BCL2L14: variants seen among roughly 807,000 people sequenced by gnomAD.
The protein encoded by BCL2L14 is BCL2 like 14.
BCL2L14 carries 27 observed loss-of-function variants against 35.3 expected under a neutral mutation model. The observed-to-expected ratio is 0.76, with a 90% CI of 0.56 to 1.05. The LOEUF (loss-of-function observed/expected upper bound fraction) is 1.05, where lower values mean the gene tolerates loss of function less well. Among genes scored for constraint, BCL2L14 ranks in the 50% least tolerant of loss-of-function variants. BCL2L14 has a pLI of 0.00. For synonymous variants in BCL2L14, 139 were observed against 145.9 expected (o/e 0.95, Z 0.34); for missense variants, 377 against 382.6 (o/e 0.99, Z 0.12).
In BCL2L14 at chr12:12,097,033, A is replaced by AC. The variant is rs1591841189; in HGVS notation, c.946-1916dup. Among the ~76,000 whole-genome samples, 3 of 152,050 alleles carry AC rather than the reference A, an allele frequency of 2.0e-5. No individual in the cohort carries two copies. In the South Asian group the frequency reaches 6.2e-4, roughly 32 times the overall value. The stretch of plus-strand genomic sequence containing the variant: ...GTGGCAGGTGCCTGTAGTCCCAGCT[A>AC]CTCAGGGGGGCTGAGGTAGGAGAAT... On this transcript the variant is annotated intron_variant, in intron 5 of 5. Coordinates refer to ENST00000308721, the MANE Select transcript of BCL2L14 (RefSeq NM_138723.2).
At chr12:12,067,525 T>C (rs985898256), upstream of BCL2L14, among the ~76,000 whole-genome samples, 3 of 152,004 alleles carry the variant, frequency 2.0e-5, no homozygotes, top group Admixed American at 1.3e-4. Context: ...CACTCCAGCC[T>C]GGGGAACAGA....
rs374353166 is a variant in BCL2L14 at position 12,095,002 on chromosome 12, TTA to T, written c.945+73_945+74del. The T allele has an allele frequency of 1.9e-5, 28 of 1,511,742 alleles. No individual in the cohort carries two copies. The African/African-American group carries it at 3.3e-4, about 18-fold the overall frequency. 93.6% of individuals were successfully genotyped at this position (1,511,742 alleles called of 1,614,324 possible). On this transcript the variant is annotated intron_variant, in intron 5 of 5. Transcript: ENST00000308721. ...GATGGGATGGATTTTTTTTTTTTTT[TTA>T]AATGAAGGGAACACATCTATGAAGC... is the stretch of plus-strand genomic sequence containing the variant.
At position 12,087,388 on chromosome 12, in the gene BCL2L14, T is replaced by G; in HGVS notation, c.607+2T>G. On this transcript the variant is annotated splice_donor_variant, in intron 3 of 5. Transcript: ENST00000308721. LOFTEE classifies it high-confidence loss of function. ...CTGTAGCTTCAAGTTCTAAGAAAGG[T>G]AAGCTTTCCTTCCCTGGGTGGAGTG... 1 of 1,613,798 alleles carries G rather than the reference T, an allele frequency of 6.2e-7. No homozygotes were observed. The highest frequency in any genetic ancestry group is 1.3e-5 in the African/African-American group (1 of 75,026).
intron 1 of BCL2L14, among the ~76,000 whole-genome samples, chr12:12,078,794 T>TCC (rs1320023198): frequency 5.2e-5 from 5 of 96,414 alleles, no homozygotes; most frequent in African/African-American, 1.3e-4. Flanking sequence ...GTTCATTCTC[T>TCC]CTCTGTTGTT....
At chr12:12,075,448 C>T (rs527568989) in intron 1 of BCL2L14, among the ~76,000 whole-genome samples, 4 of 129,880 alleles carry the variant, frequency 3.1e-5, no homozygotes, top group Admixed American at 7.7e-5. Flanking sequence ...TTTTTTGAGA[C>T]GGAGTTTCGC....
At chr12:12,085,796 C>T (rs894437069) in intron 2 of BCL2L14, among the ~76,000 whole-genome samples, 2 of 152,152 alleles carry the variant, frequency 1.3e-5, no homozygotes, top group African/African-American at 4.8e-5. Flanking sequence ...TCTCTTGTGG[C>T]TCAGTCCCTC....
At chr12:12,088,404 C>G (rs11054675) in intron 3 of BCL2L14, among the ~76,000 whole-genome samples, 3 of 151,940 alleles carry the variant, frequency 2.0e-5, no homozygotes, top group African/African-American at 7.2e-5. Context: ...ACTTGCCCAG[C>G]GCCATGTTGT....
At chr12:12,085,706 C>T (rs946167949) in intron 2 of BCL2L14, among the ~76,000 whole-genome samples, 1 of 152,118 alleles carries the variant, frequency 6.6e-6, no homozygotes, top group Non-Finnish European at 1.5e-5. Flanking sequence ...AGGGAGGACA[C>T]TGAAGCCTTC....
intron 3 of BCL2L14, among the ~76,000 whole-genome samples, chr12:12,088,025 G>T (rs192510569): frequency 1.3e-5 from 2 of 152,306 alleles, no homozygotes; most frequent in East Asian, 3.9e-4. Flanking sequence ...CTTGCTCCTG[G>T]CTCCCTCCAC....
At chr12:12,073,834 T>A (rs1173870829) in intron 1 of BCL2L14, among the ~76,000 whole-genome samples, 1 of 152,144 alleles carries the variant, frequency 6.6e-6, no homozygotes, top group East Asian at 1.9e-4. Flanking sequence ...AATCCTCTCC[T>A]GAGAAATTCC....
chr12:12,065,793 T>G (rs1051135049), intron 2 of BCL2L14, among the ~76,000 whole-genome samples: 5 of 148,438 alleles, frequency 3.4e-5, no homozygotes, highest in African/African-American at 9.9e-5. Context: ...TCTTTGTTTC[T>G]ATTTTTTTTT....
chr12:12,061,310 G>A (rs573551903), intron 2 of BCL2L14, among the ~76,000 whole-genome samples: 137 of 151,216 alleles, frequency 9.1e-4, no homozygotes, highest in African/African-American at 3.1e-3. Context: ...CCTCCTTGGC[G>A]ACCAATCACA....
intron 1 of BCL2L14, among the ~76,000 whole-genome samples, chr12:12,076,810 G>A (rs1264593829): frequency 1.3e-5 from 2 of 152,302 alleles, no homozygotes; most frequent in African/African-American, 4.8e-5. Context: ...ATGGAAAAAG[G>A]CAGCATCCAG....
intron 1 of BCL2L14, chr12:12,072,499 G>A (rs771598173): frequency 6.6e-6 from 1 of 152,316 alleles, no homozygotes; most frequent in South Asian, 2.1e-4. Flanking sequence ...GTTTGTTACA[G>A]GTAAGGATCA....
At chr12:12,073,268 C>T (rs1948706612) in intron 1 of BCL2L14, among the ~76,000 whole-genome samples, 1 of 152,178 alleles carries the variant, frequency 6.6e-6, no homozygotes, top group African/African-American at 2.4e-5. Context: ...TGGCGGAGGC[C>T]CCCGCTCCCT....
At chr12:12,089,749 T>A (rs893397313) in intron 3 of BCL2L14, among the ~76,000 whole-genome samples, 1 of 152,164 alleles carries the variant, frequency 6.6e-6, no homozygotes. Context: ...CGTGGCCACG[T>A]TCCTATCCAT....
intron 2 of BCL2L14, among the ~76,000 whole-genome samples, chr12:12,061,802 A>G (rs1286316247): frequency 6.6e-6 from 1 of 152,108 alleles, no homozygotes; most frequent in African/African-American, 2.4e-5. Flanking sequence ...TTTCTTCCTC[A>G]TCTGTTACCT....
intron 1 of BCL2L14, chr12:12,051,696 A>G (rs1948359850): frequency 6.6e-6 from 1 of 152,230 alleles, no homozygotes; most frequent in Admixed American, 6.5e-5. Flanking sequence ...CAATCTTAAT[A>G]CCCAATTCAA....
At chr12:12,080,122 G>A (rs1230157862) in intron 2 of BCL2L14, among the ~76,000 whole-genome samples, 4 of 150,148 alleles carry the variant, frequency 2.7e-5, no homozygotes, top group Admixed American at 6.6e-5. Flanking sequence ...GGAGAATGGC[G>A]TGAACCCAGC....
Sources: allele counts gnomAD v4.1 joint callset (sites outside exome capture counted in the v4.1 genomes callset), GRCh38; gene constraint gnomAD v4.1.1; transcripts MANE v1.5; gene names NCBI Gene and HGNC (gene_info 2026-07-23, HGNC 2026-07-21).